Variants in DCTN5 observed in about 807,000 individuals in gnomAD.
The protein encoded by DCTN5 is dynactin subunit 5, also known as dynactin 4.
DCTN5 carries 14 observed loss-of-function variants against 23.5 expected under a neutral mutation model. That is an observed-to-expected ratio of 0.60 (90% CI 0.39 to 0.93). The LOEUF (loss-of-function observed/expected upper bound fraction) is 0.93. DCTN5 is among the 40% of genes least tolerant of loss of function. DCTN5 has a pLI of 0.00. For synonymous variants in DCTN5, 67 were observed against 79.6 expected, an observed-to-expected ratio of 0.84 and a Z score of 0.84; for missense variants, 156 against 225.9, an observed-to-expected ratio of 0.69 and a Z score of 1.98.
At chr16:23,666,974 A>G in intron 5 of DCTN5, 73 bp from the exon 6 acceptor site, 1 of 1,595,714 alleles carries the variant, frequency 6.3e-7, no homozygotes, top group Non-Finnish European at 8.5e-7. Context: ...GGTGAGAAGG[A>G]TATTGCCAGA....
chr16:23,664,299 A>G (rs1278330011), intron 4 of DCTN5, among the ~76,000 whole-genome samples: 1 of 152,252 alleles, frequency 6.6e-6, no homozygotes, highest in Non-Finnish European at 1.5e-5. Flanking sequence ...CACTTGGGAA[A>G]TTCAGAGCCA....
chr16:23,645,594 A>G (rs1308849193), intron 2 of DCTN5, among the ~76,000 whole-genome samples: 1 of 152,092 alleles, frequency 6.6e-6, no homozygotes, highest in Admixed American at 6.6e-5. Flanking sequence ...GCCTGAATCT[A>G]CTTTCTGTCT....
chr16:23,644,126 C>CT (rs1186766030), intron 2 of DCTN5, among the ~76,000 whole-genome samples: 2 of 151,384 alleles, frequency 1.3e-5, no homozygotes, highest in African/African-American at 2.4e-5. Context: ...CATACTGTTT[C>CT]TTTTTTTTCC....
intron 2 of DCTN5, among the ~76,000 whole-genome samples, chr16:23,647,240 C>A (rs1000542285): frequency 6.0e-5 from 9 of 150,922 alleles, no homozygotes; most frequent in Admixed American, 4.6e-4. Context: ...TCAAGTAATT[C>A]TCTTGCCTCA....
At chr16:23,654,236 G>C (rs1477425087) in intron 2 of DCTN5, among the ~76,000 whole-genome samples, 1 of 152,136 alleles carries the variant, frequency 6.6e-6, no homozygotes, top group Admixed American at 6.5e-5. Flanking sequence ...TATATTCATT[G>C]CAACACTGTT....
At chr16:23,650,844 T>C (rs575506860) in intron 2 of DCTN5, 131 of 1,464,436 alleles carry the variant, frequency 8.9e-5, no homozygotes, top group Admixed American at 1.2e-4. Flanking sequence ...TCAGTAAGAC[T>C]GAGTGTGAAC....
chr16:23,664,700 C>T (rs1485268198), intron 4 of DCTN5, among the ~76,000 whole-genome samples: 1 of 152,194 alleles, frequency 6.6e-6, no homozygotes, highest in Non-Finnish European at 1.5e-5. Flanking sequence ...TGGATCATGG[C>T]AGAATTGAAA....
At chr16:23,654,275 A>T (rs1274017946) in intron 2 of DCTN5, among the ~76,000 whole-genome samples, 1 of 152,264 alleles carries the variant, frequency 6.6e-6, no homozygotes, top group Non-Finnish European at 1.5e-5. Flanking sequence ...GAATCAACCT[A>T]AATGCTTATC....
Position 23,670,548 on chromosome 16 carries a change from G to A in DCTN5, c.*3404G>A, listed in dbSNP as rs774401297. 3.3e-5 allele frequency: 5 copies of A among 152,084 alleles called. No individual in the cohort carries two copies. Among genetic ancestry groups the A allele is most frequent in the Admixed American group, 2.0e-4 (3 of 15,256 alleles). The allele number at this position is 152,084 out of a possible 1,614,324, so 9.4% of individuals were successfully genotyped here. On this transcript the variant is annotated 3_prime_UTR_variant, in exon 6 of 6. Coordinates refer to ENST00000300087, the MANE Select transcript of DCTN5 (RefSeq NM_032486.4). ...CAGCCATATTCTGGCTAGCCTCAGC[G>A]GTTCTCCTGAAAAAAAATTGGCATC...
rs1959236745 is a variant in DCTN5 at position 23,677,444 on chromosome 16, A to AC, written c.*10300_*10301insC. ...GTAAGTGTATTAAATTTCAATAAAA[A>AC]GAATTCACACTATAGGGGTACAAAA... On this transcript the variant is annotated 3_prime_UTR_variant, in exon 6 of 6. Coordinates refer to ENST00000300087, the MANE Select transcript of DCTN5 (RefSeq NM_032486.4). 1 of 152,262 alleles carries AC rather than the reference A, an allele frequency of 6.6e-6. No homozygotes were observed. The highest frequency in any genetic ancestry group is 2.4e-5 in the African/African-American group (1 of 41,468). 9.4% of individuals were successfully genotyped at this position (152,262 alleles called of 1,614,324 possible). A position where few individuals can be genotyped will look rare whatever the true frequency, so the allele number is the denominator to read the frequency against.
At chr16:23,665,993 G>A (rs1451660405) in intron 5 of DCTN5, 7 of 464,872 alleles carry the variant, frequency 1.5e-5, no homozygotes, top group African/African-American at 3.9e-5. Flanking sequence ...GAGATTGCAC[G>A]GGTTAATGCT....
At chr16:23,647,546 T>G (rs113111099) in intron 2 of DCTN5, among the ~76,000 whole-genome samples, 121 of 152,076 alleles carry the variant, frequency 8.0e-4, no homozygotes, top group Admixed American at 2.4e-3. Context: ...TATTGCCCTG[T>G]TGCCCAGGCT....
In DCTN5 at chr16:23,671,373, TA is replaced by T. The variant is rs368364397; in HGVS notation, c.*4230del. 9.2e-5 allele frequency: 14 copies of T among 152,304 alleles called. 1 individual carries two copies. Among genetic ancestry groups the T allele is most frequent in the African/African-American group, 3.4e-4 (14 of 41,568 alleles). 9.4% of individuals were successfully genotyped at this position (152,304 alleles called of 1,614,324 possible). On this transcript the variant is annotated 3_prime_UTR_variant, in exon 6 of 6. Coordinates refer to ENST00000300087, the MANE Select transcript of DCTN5 (RefSeq NM_032486.4). ...CTTAGAGTATAAGGCATAGCATTCT[TA>T]CATATTTTTAAAATTTAAAATAAAA...
chr16:23,650,959 T>C, intron 2 of DCTN5: 1 of 1,434,622 alleles, frequency 7.0e-7, no homozygotes, highest in South Asian at 1.3e-5. Context: ...CAATCAGCTT[T>C]CCAGAGCGTC....
chr16:23,666,838 AC>A lies in DCTN5; in HGVS notation c.452-208del. 5 of 669,768 alleles carry A rather than the reference AC, an allele frequency of 7.5e-6. No homozygotes were observed. In the East Asian group the frequency reaches 1.4e-4, roughly 19 times the overall value. The allele number at this position is 669,768 out of a possible 1,614,324, so 41.5% of individuals were successfully genotyped here. On this transcript the variant is annotated intron_variant, in intron 5 of 5. Transcript: ENST00000300087. ...TGCTTTTGCAGAGGAGGAAGGAGAG[AC>A]TTTTGTTTAGTAATTTCTCCATATT...
rs529606269 is a variant in DCTN5 at position 23,676,234 on chromosome 16, C to T, written c.*9090C>T. On this transcript the variant is annotated 3_prime_UTR_variant, in exon 6 of 6. Transcript: ENST00000300087. ...GTTCAGACAGCAATTAAGGGCTGGGCACGGTGGCTCATGCCTGTAATCCCG... is the reference window on the plus strand; with the variant it reads ...GTTCAGACAGCAATTAAGGGCTGGGTACGGTGGCTCATGCCTGTAATCCCG... 6.6e-6 allele frequency: 1 copy of T among 150,430 alleles called. No homozygotes were observed. Among genetic ancestry groups the T allele is most frequent in the African/African-American group, 2.4e-5 (1 of 40,866 alleles). 9.3% of individuals were successfully genotyped at this position (150,430 alleles called of 1,614,324 possible). A position where few individuals can be genotyped will look rare whatever the true frequency, so the allele number is the denominator to read the frequency against.
Position 23,661,168 on chromosome 16 carries a change from A to G in DCTN5, c.237-2A>G. On this transcript the variant is annotated splice_acceptor_variant, in intron 3 of 5. Transcript: ENST00000300087. LOFTEE classifies it high-confidence loss of function. ...TGTGTTCATCTTCTTTTCCTCTTCT[A>G]GTGTTGCATTCTTTCCTTTACATAT... 1 of 1,602,648 alleles carries G rather than the reference A, an allele frequency of 6.2e-7. No homozygotes were observed. Among genetic ancestry groups the G allele is most frequent in the Non-Finnish European group, 8.5e-7 (1 of 1,170,974 alleles).
At chr16:23,661,321 C>T (rs992331165) in intron 4 of DCTN5, 40 bp downstream of exon 4, 1 of 1,412,570 alleles carries the variant, frequency 7.1e-7, no homozygotes, top group African/African-American at 1.4e-5. Flanking sequence ...GCTTCACTTT[C>T]CCTTCAGCTC....
Position 23,642,996 on chromosome 16 carries a change from A to T in DCTN5, c.90A>T (p.Gly30=), listed in dbSNP as rs141294424. Residue 30 remains glycine, a synonymous_variant, in exon 2 of 6, where the codon GGA becomes GGT. Transcript: ENST00000300087. ...TCAGTCGCCAGTCAGTGTTGTGTGG[A>T]AGCCAGAACATCGTTCTCAATGGCA... is the stretch of plus-strand genomic sequence containing the variant. ...NKVSRQSVLC[G]SQNIVLNGKT... 2,454 of 1,614,160 alleles carry T rather than the reference A, an allele frequency of 1.5e-3. 7 individuals are homozygous for T. Among genetic ancestry groups the T allele is most frequent in the Non-Finnish European group, 1.2e-3 (1,434 of 1,180,006 alleles).
Sources: allele counts gnomAD v4.1 joint callset (sites outside exome capture counted in the v4.1 genomes callset), GRCh38; gene constraint gnomAD v4.1.1; transcripts MANE v1.5; gene names NCBI Gene and HGNC (gene_info 2026-07-23, HGNC 2026-07-21).